COL25A1: variants seen among roughly 807,000 people sequenced by gnomAD.
COL25A1 encodes the protein collagen type XXV alpha 1 chain.
A neutral mutation model predicts 128.4 loss-of-function variants in COL25A1; 103 were observed. The observed-to-expected ratio is 0.80, with a 90% CI of 0.68 to 0.94. COL25A1 has a LOEUF of 0.94. Ranked by LOEUF, COL25A1 falls within the 40% of genes least tolerant of loss-of-function variation. The pLI is 0.00. For synonymous variants in COL25A1, 279 were observed against 277.2 expected (o/e 1.01, Z -0.06); for missense variants, 745 against 840.0 (o/e 0.89, Z 1.40).
chr4:109,093,708 A>G (rs1765157462), intron 3 of COL25A1, among the ~76,000 whole-genome samples: 1 of 152,112 alleles, frequency 6.6e-6, no homozygotes, highest in South Asian at 2.1e-4. Context: ...TAGTTCAAGG[A>G]CTCAGAAAAA....
At position 108,911,798 on chromosome 4, in the gene COL25A1, C is replaced by T. The variant is rs117424988; in HGVS notation, c.780+6374G>A. On this transcript the variant is annotated intron_variant, in intron 13 of 37. Transcript: ENST00000399132. ...ATAATTCATTAATAAACATTTGCTTCGCTGTTTTTTTTTTTTTTTTTTGCA... is the reference window on the plus strand; with the variant it reads ...ATAATTCATTAATAAACATTTGCTTTGCTGTTTTTTTTTTTTTTTTTTGCA... 4.5e-3 allele frequency among the ~76,000 whole-genome samples: 650 copies of T among 143,352 alleles called. 13 individuals are homozygous for T. In the East Asian group the frequency reaches 0.06, roughly 13 times the overall value. The allele number at this position is 143,352 out of a possible 152,430, so 94.0% of individuals were successfully genotyped here.
rs1730690250 is a variant in COL25A1 at position 108,810,300 on chromosome 4, A to C, written c.*3627T>G. The C allele has an allele frequency of 6.6e-6, 1 of 151,992 alleles. No homozygotes were observed. Among genetic ancestry groups the C allele is most frequent in the South Asian group, 2.1e-4 (1 of 4,828 alleles). The allele number at this position is 151,992 out of a possible 1,614,324, so 9.4% of individuals were successfully genotyped here. A position where few individuals can be genotyped will look rare whatever the true frequency, so the allele number is the denominator to read the frequency against. ...GACATGCTGATTTGACAATTTTCTA[A>C]ACTAGCACATATGTCTATATAGATA... On this transcript the variant is annotated 3_prime_UTR_variant, in exon 38 of 38. Coordinates refer to ENST00000399132, the MANE Select transcript of COL25A1 (RefSeq NM_198721.4).
chr4:109,016,569 C>T, intron 5 of COL25A1, among the ~76,000 whole-genome samples: 1 of 152,260 alleles, frequency 6.6e-6, no homozygotes, highest in East Asian at 1.9e-4. Flanking sequence ...CACACACTTT[C>T]TTCCTTCTGA....
At chr4:109,295,705 C>A (rs543485332) in intron 3 of COL25A1, among the ~76,000 whole-genome samples, 1 of 152,120 alleles carries the variant, frequency 6.6e-6, no homozygotes, top group African/African-American at 2.4e-5. Flanking sequence ...GAGTACACAA[C>A]CATCAAGCTA....
intron 8 of COL25A1, among the ~76,000 whole-genome samples, chr4:108,957,703 AC>A (rs1750227886): frequency 2.0e-5 from 3 of 152,278 alleles, no homozygotes; most frequent in Non-Finnish European, 4.4e-5. Context: ...AGCCTAGGAC[AC>A]CCCGTAGAAG....
chr4:108,855,598 C>T (rs1003326120), intron 24 of COL25A1, among the ~76,000 whole-genome samples: 13 of 152,004 alleles, frequency 8.6e-5, no homozygotes, highest in Non-Finnish European at 1.8e-4. Context: ...TTCACCTGAA[C>T]ATAATGCTAG....
intron 3 of COL25A1, among the ~76,000 whole-genome samples, chr4:109,248,851 TAAG>T: frequency 6.6e-6 from 1 of 152,166 alleles, no homozygotes; most frequent in Admixed American, 6.5e-5. Flanking sequence ...AAGTCCTTGA[TAAG>T]AAGAAGCACT....
chr4:109,061,389 A>C lies in COL25A1; in HGVS notation c.368-11210T>G, dbSNP rs75138685. 9.4e-3 allele frequency among the ~76,000 whole-genome samples: 1,435 copies of C among 152,320 alleles called. 16 individuals carry two copies. Among genetic ancestry groups the C allele is most frequent in the African/African-American group, 0.032 (1,335 of 41,574 alleles). On this transcript the variant is annotated intron_variant, in intron 3 of 37. Coordinates refer to ENST00000399132, the MANE Select transcript of COL25A1 (RefSeq NM_198721.4). ...TAGAGTTGTTAAGTAAAAGTACAAA[A>C]TTCTTAAAACTTTACTCCAGTTGCC...
intron 3 of COL25A1, among the ~76,000 whole-genome samples, chr4:109,232,621 A>G (rs1384906702): frequency 6.6e-6 from 1 of 152,198 alleles, no homozygotes; most frequent in East Asian, 1.9e-4. Context: ...TATCCATTCA[A>G]TTGGTCTGCA....
chr4:109,112,030 T>G (rs905280570), intron 3 of COL25A1, among the ~76,000 whole-genome samples: 4 of 152,176 alleles, frequency 2.6e-5, no homozygotes, highest in Non-Finnish European at 5.9e-5. Flanking sequence ...TCTGTTTGCC[T>G]GTTTTTCTTA....
At chr4:108,894,186 G>GA (rs1741866898) in intron 16 of COL25A1, among the ~76,000 whole-genome samples, 2 of 152,112 alleles carry the variant, frequency 1.3e-5, no homozygotes, top group East Asian at 1.9e-4. Context: ...TCTTTTCAAA[G>GA]AAAAAAGCTG....
rs1447399694 is a variant in COL25A1, at chr4:108,878,631, C to T, written c.1020+5547G>A. ...GTCTGCCCCCAAAACATTTATTTCC[C>T]GTAAGGATCAAATTTTAGTGTAAAT... is the stretch of plus-strand genomic sequence containing the variant. On this transcript the variant is annotated intron_variant, in intron 19 of 37. Coordinates refer to ENST00000399132, the MANE Select transcript of COL25A1 (RefSeq NM_198721.4). 5.3e-5 allele frequency among the ~76,000 whole-genome samples: 8 copies of T among 151,940 alleles called. No individual in the cohort carries two copies. In the South Asian group the frequency reaches 6.2e-4, roughly 12 times the overall value.
chr4:108,891,578 C>A (rs1290206656), intron 16 of COL25A1, among the ~76,000 whole-genome samples: 1 of 152,120 alleles, frequency 6.6e-6, no homozygotes, highest in African/African-American at 2.4e-5. Context: ...TACTTTATCT[C>A]ATTTAAACCT....
intron 3 of COL25A1, among the ~76,000 whole-genome samples, chr4:109,243,609 C>T (rs183629434): frequency 1.3e-5 from 2 of 152,060 alleles, no homozygotes; most frequent in East Asian, 1.9e-4. Context: ...ACATTCTTAA[C>T]ATGTTTGATC....
At chr4:109,261,842 C>A (rs1232163682) in intron 3 of COL25A1, among the ~76,000 whole-genome samples, 1 of 151,670 alleles carries the variant, frequency 6.6e-6, no homozygotes, top group Non-Finnish European at 1.5e-5. Context: ...GGACTACAGG[C>A]GCCTGCCACC....
chr4:109,015,635 A>G, intron 5 of COL25A1, among the ~76,000 whole-genome samples: 1 of 152,220 alleles, frequency 6.6e-6, no homozygotes, highest in African/African-American at 2.4e-5. Context: ...AGGGCAACTT[A>G]GGTACCAGCA....
At chr4:108,825,112 AAAG>A (rs928083797) in intron 34 of COL25A1, 81 bp downstream of exon 34, 102 of 1,144,090 alleles carry the variant, frequency 8.9e-5, no homozygotes, top group Middle Eastern at 6.3e-4. Context: ...CACAGAAAAA[AAAG>A]AAGTATTCTT....
chr4:109,048,811 T>C (rs1760710007), intron 4 of COL25A1, among the ~76,000 whole-genome samples: 1 of 152,108 alleles, frequency 6.6e-6, no homozygotes, highest in Non-Finnish European at 1.5e-5. Flanking sequence ...TAAGCATAAA[T>C]TTTTCACTTT....
At chr4:109,205,963 T>C (rs899434827) in intron 3 of COL25A1, among the ~76,000 whole-genome samples, 1 of 152,118 alleles carries the variant, frequency 6.6e-6, no homozygotes, top group Non-Finnish European at 1.5e-5. Flanking sequence ...GAAAACAACA[T>C]CTGGTTCTGT....
Sources: gnomAD v4.1 joint callset for allele counts (sites outside exome capture counted in the v4.1 genomes callset) on GRCh38, gnomAD v4.1.1 for gene constraint, MANE v1.5 for transcripts, NCBI Gene and HGNC (gene_info 2026-07-23, HGNC 2026-07-21) for gene names.